BTD: variants seen among roughly 807,000 people sequenced by gnomAD.
The protein encoded by BTD is biotinidase.
BTD carries 13 observed loss-of-function variants against 17.7 expected under a neutral mutation model. The observed-to-expected ratio is 0.74, with a 90% confidence interval of 0.48 to 1.17. The LOEUF is 1.17. Ranked by LOEUF, BTD falls within the 50% of genes most tolerant of loss-of-function variation. The probability of loss-of-function intolerance (pLI) is 0.00; values close to 1 mark genes in which losing one functional copy is unlikely to be tolerated. For missense variants in BTD, 674 were observed against 650.4 expected (o/e 1.04, Z -0.39); for synonymous variants, 240 against 245.2 (o/e 0.98, Z 0.20).
exon 4 of BTD, chr3:15,711,238 G>C: frequency 6.2e-7 from 1 of 1,612,622 alleles, no homozygotes; most frequent in East Asian, 2.2e-5. Flanking sequence ...ATGTAGACAA[G>C]TCCTGCCAAA....
chr3:15,612,220 C>G (rs576051802), intron 1 of BTD, among the ~76,000 whole-genome samples: 102 of 152,168 alleles, frequency 6.7e-4, no homozygotes, highest in Non-Finnish European at 5.9e-4. Context: ...ACATTCAAGG[C>G]TCTTGCCAGT....
intron 2 of BTD, among the ~76,000 whole-genome samples, chr3:15,639,917 C>G (rs151245294): frequency 5.3e-5 from 8 of 152,194 alleles, no homozygotes; most frequent in African/African-American, 1.7e-4. Flanking sequence ...TGAGACCAGC[C>G]TGATGGTGAA....
intron 3 of BTD, among the ~76,000 whole-genome samples, chr3:15,693,463 T>A (rs1323974752): frequency 6.6e-6 from 1 of 152,024 alleles, no homozygotes; most frequent in Non-Finnish European, 1.5e-5. Flanking sequence ...GGAAACAACA[T>A]CATTAAACTG....
chr3:15,621,925 G>T (rs1346217107), intron 1 of BTD, among the ~76,000 whole-genome samples: 1 of 152,100 alleles, frequency 6.6e-6, no homozygotes, highest in Non-Finnish European at 1.5e-5. Context: ...TGACATCTAG[G>T]TTATCAAATT....
exon 5 of BTD, among the ~76,000 whole-genome samples, chr3:15,722,192 A>G (rs559994078): frequency 9.2e-5 from 14 of 152,260 alleles, no homozygotes; most frequent in African/African-American, 3.4e-4. Context: ...AAGAGTCTCT[A>G]TTTAGAGTGG....
At chr3:15,672,545 C>T (rs2066481443) in intron 3 of BTD, among the ~76,000 whole-genome samples, 2 of 152,134 alleles carry the variant, frequency 1.3e-5, no homozygotes, top group Admixed American at 6.6e-5. Context: ...GAAGGCTGTC[C>T]GTATTTTTAA....
In BTD at chr3:15,649,651, G is replaced by T. The variant is rs2065769340; in HGVS notation, c.*4163G>T. Among the ~76,000 whole-genome samples, 2 of 152,212 alleles carry T rather than the reference G, an allele frequency of 1.3e-5. No homozygotes were observed. The highest frequency in any genetic ancestry group is 2.9e-5 in the Non-Finnish European group (2 of 68,044). On this transcript the variant is annotated 3_prime_UTR_variant, in exon 4 of 4. Transcript: ENST00000643237. ...TCTTTAAGCTCCTCCAGTGTGCTGA[G>T]CACAGTCTGGCCCCTGTACTGTTGT... is the stretch of plus-strand genomic sequence containing the variant.
chr3:15,717,462 A>G (rs993115303), downstream of BTD, among the ~76,000 whole-genome samples: 1 of 152,156 alleles, frequency 6.6e-6, no homozygotes, highest in Non-Finnish European at 1.5e-5. Context: ...CTGGAGAAAC[A>G]ATGTGGAGTT....
chr3:15,619,842 C>T (rs1272956693), intron 1 of BTD, among the ~76,000 whole-genome samples: 3 of 152,162 alleles, frequency 2.0e-5, no homozygotes, highest in Admixed American at 2.0e-4. Flanking sequence ...CCAGGGGTGA[C>T]ATCACATATC....
At chr3:15,677,087 T>C (rs1406674944) in intron 3 of BTD, 2 of 1,560,516 alleles carry the variant, frequency 1.3e-6, no homozygotes, top group Non-Finnish European at 8.8e-7. Context: ...TTATAAAAAC[T>C]TGAGCACCAT....
chr3:15,636,303 T>A (rs957892471), intron 2 of BTD, among the ~76,000 whole-genome samples: 1 of 152,140 alleles, frequency 6.6e-6, no homozygotes, highest in Non-Finnish European at 1.5e-5. Flanking sequence ...CGGACTACGA[T>A]CAGTCTGAGA....
chr3:15,667,158 A>C (rs896083176), intron 3 of BTD: 2 of 152,230 alleles, frequency 1.3e-5, no homozygotes, highest in African/African-American at 4.8e-5. Flanking sequence ...TTATTAGAAA[A>C]GGAAAAAAAA....
chr3:15,667,218 A>C (rs767646943), intron 3 of BTD: 8 of 152,244 alleles, frequency 5.3e-5, no homozygotes, highest in Non-Finnish European at 1.0e-4. Context: ...TTTGCATGTA[A>C]AAGAGACAGA....
intron 2 of BTD, among the ~76,000 whole-genome samples, chr3:15,637,227 C>T (rs546080785): frequency 9.2e-5 from 14 of 152,116 alleles, no homozygotes; most frequent in African/African-American, 2.7e-4. Flanking sequence ...TGAAGACTTC[C>T]ATGTTTTCTC....
chr3:15,663,525 T>C (rs1414319952), intron 3 of BTD, among the ~76,000 whole-genome samples: 1 of 152,206 alleles, frequency 6.6e-6, no homozygotes, highest in East Asian at 1.9e-4. Flanking sequence ...TCCATTCAGA[T>C]ATAGGCCTAT....
chr3:15,670,577 T>A (rs770767209), intron 3 of BTD: 2 of 1,600,318 alleles, frequency 1.2e-6, no homozygotes, highest in East Asian at 2.2e-5. Context: ...AGATAAAATT[T>A]AAAAATTAAG....
chr3:15,611,258 T>C (rs1242335303), intron 1 of BTD, among the ~76,000 whole-genome samples: 2 of 152,180 alleles, frequency 1.3e-5, no homozygotes, highest in African/African-American at 2.4e-5. Context: ...AAGTACCCTC[T>C]GTACTCTTCC....
chr3:15,659,185 C>T (rs2065899151), intron 3 of BTD, among the ~76,000 whole-genome samples: 1 of 152,214 alleles, frequency 6.6e-6, no homozygotes, highest in Non-Finnish European at 1.5e-5. Context: ...TAGTATATCT[C>T]ACACACCTAC....
chr3:15,713,674 C>A, downstream of BTD: 1 of 1,428,860 alleles, frequency 7.0e-7, no homozygotes, highest in South Asian at 1.3e-5. Flanking sequence ...AGACACTGGA[C>A]CATATAAAGA....
Sources: gnomAD v4.1 joint callset for allele counts (sites outside exome capture counted in the v4.1 genomes callset) on GRCh38, gnomAD v4.1.1 for gene constraint, MANE v1.5 for transcripts, NCBI Gene and HGNC (gene_info 2026-07-23, HGNC 2026-07-21) for gene names.